EYA4: variants seen among roughly 807,000 people sequenced by gnomAD.
EYA4 encodes the protein EYA transcriptional coactivator and phosphatase 4.
Under a neutral mutation model 87.9 loss-of-function variants are expected in EYA4, and 31 were observed. The ratio of observed to expected loss-of-function variants is 0.35; its 90% CI spans 0.27 to 0.48. The LOEUF is 0.48. EYA4 is among the 20% of genes least tolerant of loss of function. The pLI, the probability that EYA4 is intolerant of heterozygous loss-of-function variation, is 0.99. For missense variants in EYA4, 678 were observed against 761.4 expected (o/e 0.89, Z 1.29); for synonymous variants, 263 against 270.6 (o/e 0.97, Z 0.28).
intron 2 of EYA4, among the ~76,000 whole-genome samples, chr6:133,372,985 A>C (rs1026913203): frequency 1.3e-5 from 2 of 152,068 alleles, no homozygotes; most frequent in African/African-American, 2.4e-5. Context: ...ACATACGCAC[A>C]CAGATAAACT....
At chr6:133,256,785 AT>A (rs768775542) in intron 1 of EYA4, among the ~76,000 whole-genome samples, 22 of 152,058 alleles carry the variant, frequency 1.4e-4, no homozygotes, top group Non-Finnish European at 2.6e-4. Context: ...TTGTTGTTCG[AT>A]TTTTATATGT....
chr6:133,517,734 T>TG (rs113553531), intron 17 of EYA4, among the ~76,000 whole-genome samples: 5,947 of 152,058 alleles, frequency 0.039, 412 homozygotes, highest in African/African-American at 0.13. Flanking sequence ...CATATTCCAG[T>TG]GGGGGCTGTG....
intron 2 of EYA4, among the ~76,000 whole-genome samples, chr6:133,312,527 C>T (rs7747163): frequency 0.1 from 15,841 of 152,086 alleles, 939 homozygotes; most frequent in South Asian, 0.14. Context: ...TTATGGTGAA[C>T]GTCAAATGGA....
At chr6:133,394,702 G>T (rs984470555) in intron 3 of EYA4, among the ~76,000 whole-genome samples, 1 of 152,172 alleles carries the variant, frequency 6.6e-6, no homozygotes, top group South Asian at 2.1e-4. Flanking sequence ...GTTTAACAAA[G>T]TACCTGCCAC....
intron 2 of EYA4, among the ~76,000 whole-genome samples, chr6:133,379,811 T>C (rs1786026567): frequency 6.6e-6 from 1 of 152,150 alleles, no homozygotes; most frequent in Non-Finnish European, 1.5e-5. Context: ...TCCGTTTTGT[T>C]GCATTAGGCT....
rs150275940 is a variant in EYA4, at chr6:133,252,993, A to ACT, written c.-66+11256_-66+11257dup. On this transcript the variant is annotated intron_variant, in intron 1 of 19. Transcript: ENST00000355286. ...CACACACACACACACACACACACTC[A>ACT]CTCTCTCTCTCTCACTTCCTTTGAT... is the stretch of plus-strand genomic sequence containing the variant. Among the ~76,000 whole-genome samples the ACT allele has an allele frequency of 7.8e-5, 11 of 141,684 alleles. No homozygotes were observed. The East Asian group carries it at 8.4e-4, about 11-fold the overall frequency. 93.0% of individuals were successfully genotyped at this position (141,684 alleles called of 152,430 possible). A position where few individuals can be genotyped will look rare whatever the true frequency, so the allele number is the denominator to read the frequency against.
In EYA4 at chr6:133,464,913, G is replaced by C. The variant is rs1336167652; in HGVS notation, c.804+55G>C. On this transcript the variant is annotated intron_variant, in intron 10 of 19. Coordinates refer to ENST00000355286, the MANE Select transcript of EYA4 (RefSeq NM_004100.5). ...TATATGTATTTCAGATTTTTGAAGA[G>C]TACTCTCAGGTTGCCATATATGTGC... 5.1e-6 allele frequency: 6 copies of C among 1,176,112 alleles called. No homozygotes were observed. In the East Asian group the frequency reaches 7.1e-5, roughly 14 times the overall value. 72.9% of individuals were successfully genotyped at this position (1,176,112 alleles called of 1,614,324 possible).
intron 3 of EYA4, among the ~76,000 whole-genome samples, chr6:133,411,551 ATATC>A (rs1562389758): frequency 6.6e-6 from 1 of 151,106 alleles, no homozygotes; most frequent in African/African-American, 2.5e-5. Flanking sequence ...GTGTATCTGT[ATATC>A]TGTCTATCTA....
intron 2 of EYA4, among the ~76,000 whole-genome samples, chr6:133,380,366 T>C (rs1042729265): frequency 6.6e-6 from 1 of 152,174 alleles, no homozygotes; most frequent in Non-Finnish European, 1.5e-5. Flanking sequence ...TGTTACTACT[T>C]TGAGAATAAA....
chr6:133,410,967 T>G (rs1789173169), intron 3 of EYA4, among the ~76,000 whole-genome samples: 1 of 151,634 alleles, frequency 6.6e-6, no homozygotes, highest in Non-Finnish European at 1.5e-5. Context: ...CTCCCTGCCC[T>G]TCCCCCGCCT....
chr6:133,313,658 A>C (rs1279923029), intron 2 of EYA4, among the ~76,000 whole-genome samples: 1 of 152,226 alleles, frequency 6.6e-6, no homozygotes, highest in Non-Finnish European at 1.5e-5. Flanking sequence ...AGATTCAGCT[A>C]TTCAGATAAC....
intron 3 of EYA4, among the ~76,000 whole-genome samples, chr6:133,441,652 G>A (rs916495711): frequency 6.6e-6 from 1 of 152,012 alleles, no homozygotes; most frequent in Non-Finnish European, 1.5e-5. Context: ...GTGGTCTGGT[G>A]GAAAAAAATG....
At chr6:133,452,718 T>G (rs1054370248) in intron 5 of EYA4, 8 of 152,266 alleles carry the variant, frequency 5.3e-5, no homozygotes, top group South Asian at 2.1e-4. Flanking sequence ...TTTTACCATT[T>G]GACTCTATCA....
chr6:133,482,768 T>C (rs1284315535), intron 12 of EYA4, among the ~76,000 whole-genome samples: 2 of 152,202 alleles, frequency 1.3e-5, no homozygotes, highest in East Asian at 3.8e-4. Context: ...GTATCTCTTT[T>C]TGGTGTTAAC....
chr6:133,362,961 C>T (rs1044474799), intron 2 of EYA4, among the ~76,000 whole-genome samples: 8 of 152,118 alleles, frequency 5.3e-5, no homozygotes, highest in South Asian at 2.1e-4. Flanking sequence ...GAAACTCTGG[C>T]GAGGGCAGGG....
chr6:133,280,966 A>G (rs532705733), intron 2 of EYA4, among the ~76,000 whole-genome samples: 29 of 152,286 alleles, frequency 1.9e-4, no homozygotes, highest in African/African-American at 5.8e-4. Context: ...ATTGAGTCAT[A>G]CAATATGAGA....
intron 3 of EYA4, among the ~76,000 whole-genome samples, chr6:133,419,414 G>T (rs1380019384): frequency 6.6e-6 from 1 of 152,146 alleles, no homozygotes; most frequent in Admixed American, 6.5e-5. Context: ...CGTCTTGTCT[G>T]TTTGTCGTCA....
chr6:133,500,252 G>A (rs1422426258), intron 13 of EYA4, among the ~76,000 whole-genome samples: 5 of 151,934 alleles, frequency 3.3e-5, no homozygotes, highest in African/African-American at 4.8e-5. Context: ...GGTGTGGCCC[G>A]AGCAACAGGC....
At chr6:133,320,335 A>G (rs11759873) in intron 2 of EYA4, among the ~76,000 whole-genome samples, 48,654 of 151,928 alleles carry the variant, frequency 0.32, 8,040 homozygotes, top group Middle Eastern at 0.43. Context: ...ATCTGTATTT[A>G]TATCTTCTTC....
Sources: allele counts gnomAD v4.1 joint callset (sites outside exome capture counted in the v4.1 genomes callset), GRCh38; gene constraint gnomAD v4.1.1; transcripts MANE v1.5; gene names NCBI Gene and HGNC (gene_info 2026-07-23, HGNC 2026-07-21).